GLDN: variants seen among roughly 807,000 people sequenced by gnomAD.
GLDN encodes collomin.
Under a neutral mutation model 56.5 loss-of-function variants are expected in GLDN, and 47 were observed. The observed-to-expected ratio is 0.83, with a 90% CI of 0.66 to 1.06. The LOEUF is 1.06. Ranked by LOEUF, GLDN falls within the 50% of genes least tolerant of loss-of-function variation. GLDN has a pLI of 0.00. For synonymous variants in GLDN, 332 were observed against 278.8 expected, an observed-to-expected ratio of 1.19 and a Z score of -1.90; for missense variants, 782 against 714.3, an observed-to-expected ratio of 1.09 and a Z score of -1.08.
chr15:51,393,191 G>A (rs1052019329), intron 4 of GLDN, among the ~76,000 whole-genome samples: 1 of 152,030 alleles, frequency 6.6e-6, no homozygotes, highest in Non-Finnish European at 1.5e-5. Flanking sequence ...AATTTTTCTT[G>A]GTTAAATTGC....
In GLDN at chr15:51,383,782, C is replaced by T. The variant is rs2141101434; in HGVS notation, c.434-3C>T. Reference sequence around the variant, plus strand: ...ATGTCCCTGTTTCTGTGTTTTGATGCAGGACCTCCGGGAGCCGGCGGGTTG... The same window carrying T: ...ATGTCCCTGTTTCTGTGTTTTGATGTAGGACCTCCGGGAGCCGGCGGGTTG... On this transcript the variant is annotated splice_region_variant and splice_polypyrimidine_tract_variant and intron_variant, in intron 3 of 9. Coordinates refer to ENST00000335449, the MANE Select transcript of GLDN (RefSeq NM_181789.4). 1 of 1,590,936 alleles carries T rather than the reference C, an allele frequency of 6.3e-7. No homozygotes were observed. Among genetic ancestry groups the T allele is most frequent in the South Asian group, 1.1e-5 (1 of 87,396 alleles).
rs116195961 is a variant in GLDN at position 51,343,399 on chromosome 15, C to G, written c.363+1352C>G. Among the ~76,000 whole-genome samples the G allele has an allele frequency of 8.4e-3, 1,279 of 152,272 alleles. 18 individuals carry two copies. The highest frequency in any genetic ancestry group is 0.03 in the African/African-American group (1,233 of 41,544). ...GGAATTCATTCTCGCCCTTTCAGCT[C>G]TCTACCCTACATTTTAAGGCTTTTA... On this transcript the variant is annotated intron_variant, in intron 1 of 9. Transcript: ENST00000335449.
chr15:51,398,836 G>A (rs372313028), intron 6 of GLDN, among the ~76,000 whole-genome samples: 2 of 152,204 alleles, frequency 1.3e-5, no homozygotes, highest in Non-Finnish European at 2.9e-5. Flanking sequence ...AGAGAAGGGG[G>A]CTCTGACCCG....
intron 1 of GLDN, among the ~76,000 whole-genome samples, chr15:51,347,829 C>T (rs143279427): frequency 7.0e-4 from 107 of 152,280 alleles, no homozygotes; most frequent in African/African-American, 2.4e-3. Flanking sequence ...TTAATCTATA[C>T]ACCCACTGGA....
At chr15:51,384,044 C>T (rs77386899) in intron 4 of GLDN, 152 bp downstream of exon 4, 9,768 of 708,188 alleles carry the variant, frequency 0.014, 85 homozygotes, top group Non-Finnish European at 0.02. Flanking sequence ...CATTGCGTTC[C>T]GGGATACCAA....
In GLDN at chr15:51,404,427, C is replaced by G; in HGVS notation, c.1329C>G (p.Asp443Glu). 6.2e-7 allele frequency: 1 copy of G among 1,614,116 alleles called. No individual in the cohort carries two copies. The highest frequency in any genetic ancestry group is 8.5e-7 in the Non-Finnish European group (1 of 1,180,034). ...GLWIIYASSV[D>E]GSSILVAQLD... ...GGATTATCTATGCGTCAAGTGTGGA[C>G]GGCTCGAGCATTCTTGTAGCACAAC... Residue 443 changes from aspartate (D) to glutamate (E), a missense_variant, in exon 10 of 10, where the codon GAC becomes GAG. By Grantham distance (45) the Asp-to-Glu change is conservative. Coordinates refer to ENST00000335449, the MANE Select transcript of GLDN (RefSeq NM_181789.4).
chr15:51,341,792 C>T lies in GLDN; in HGVS notation c.108C>T (p.Phe36=), dbSNP rs2036886638. The change falls in exon 1 of 10, where the codon TTC becomes TTT. Residue 36 remains phenylalanine, a synonymous_variant. Transcript: ENST00000335449. ...CGCTCAACGCTGCGGGCACGGTGTT[C>T]GCGCTGTGCCAGTGGCGCGGGCTGA... ...LSALNAAGTV[F]ALCQWRGLSS... 2 of 1,509,862 alleles carry T rather than the reference C, an allele frequency of 1.3e-6. No homozygotes were observed. The highest frequency in any genetic ancestry group is 1.2e-5 in the South Asian group (1 of 81,374). 93.5% of individuals were successfully genotyped at this position (1,509,862 alleles called of 1,614,324 possible).
intron 1 of GLDN, among the ~76,000 whole-genome samples, chr15:51,351,731 T>C (rs1274135686): frequency 6.6e-6 from 1 of 152,176 alleles, no homozygotes. Flanking sequence ...CATTGTTAAG[T>C]TCCCAGCCCC....
In GLDN at chr15:51,341,782, G is replaced by A. The variant is rs2036886397; in HGVS notation, c.98G>A (p.Gly33Asp). Residue 33 changes from glycine (G) to aspartate (D), a missense_variant, in exon 1 of 10, where the codon GGC (glycine) becomes GAC (aspartate). Gly to Asp is a moderately conservative substitution (Grantham distance 94, BLOSUM62 -1). Transcript: ENST00000335449. ...VALLSALNAAGTVFALCQWRG... is the reference protein window; with the variant it reads ...VALLSALNAADTVFALCQWRG... ...CTGCTCTCGGCGCTCAACGCTGCGG[G>A]CACGGTGTTCGCGCTGTGCCAGTGG... 2 of 1,500,148 alleles carry A rather than the reference G, an allele frequency of 1.3e-6. No homozygotes were observed. Among genetic ancestry groups the A allele is most frequent in the South Asian group, 1.2e-5 (1 of 80,114 alleles). 92.9% of individuals were successfully genotyped at this position (1,500,148 alleles called of 1,614,324 possible).
intron 1 of GLDN, among the ~76,000 whole-genome samples, chr15:51,352,375 T>A (rs1401355082): frequency 1.3e-5 from 2 of 152,190 alleles, no homozygotes; most frequent in Non-Finnish European, 2.9e-5. Context: ...ATCATCACAT[T>A]GATGATTAGG....
intron 2 of GLDN, among the ~76,000 whole-genome samples, chr15:51,382,918 G>A (rs1321018867): frequency 6.6e-6 from 1 of 152,012 alleles, no homozygotes; most frequent in Non-Finnish European, 1.5e-5. Flanking sequence ...TACCTGATCT[G>A]GGCTCTCAAT....
chr15:51,378,836 A>G (rs572312843), intron 2 of GLDN, among the ~76,000 whole-genome samples: 6 of 152,310 alleles, frequency 3.9e-5, no homozygotes, highest in African/African-American at 1.4e-4. Flanking sequence ...GGGGCAGGGT[A>G]GTGGGCAGCA....
chr15:51,361,570 T>C (rs1398645748), intron 1 of GLDN, among the ~76,000 whole-genome samples: 1 of 152,150 alleles, frequency 6.6e-6, no homozygotes, highest in African/African-American at 2.4e-5. Flanking sequence ...GCTCTACCAA[T>C]CAAAGATTCA....
chr15:51,409,827 A>G (rs1344433964), downstream of GLDN, among the ~76,000 whole-genome samples: 1 of 152,198 alleles, frequency 6.6e-6, no homozygotes, highest in East Asian at 1.9e-4. Flanking sequence ...TTTCCACCTC[A>G]TCCCACCGCT....
intron 4 of GLDN, among the ~76,000 whole-genome samples, chr15:51,391,856 G>A (rs971975114): frequency 5.3e-5 from 8 of 152,248 alleles, no homozygotes; most frequent in African/African-American, 1.9e-4. Context: ...CACTGGACGG[G>A]CAGCCGCCAC....
chr15:51,354,921 A>G (rs754586772), intron 1 of GLDN, among the ~76,000 whole-genome samples: 9 of 152,252 alleles, frequency 5.9e-5, no homozygotes, highest in Non-Finnish European at 1.3e-4. Context: ...ACATTAATCC[A>G]GGCAAGAAAC....
chr15:51,383,559 C>T, intron 3 of GLDN, 106 bp downstream of exon 3: 2 of 1,357,040 alleles, frequency 1.5e-6, no homozygotes, highest in Non-Finnish European at 2.1e-6. Flanking sequence ...TGGAGGCAGT[C>T]CTGGCTGTGT....
chr15:51,395,019 T>C (rs1159922428), intron 5 of GLDN, 38 bp downstream of exon 5: 1 of 1,519,216 alleles, frequency 6.6e-7, no homozygotes. Flanking sequence ...TGAGGGCTTG[T>C]GCGCCCAGAG....
intron 1 of GLDN, among the ~76,000 whole-genome samples, chr15:51,353,781 A>G (rs1387547478): frequency 6.8e-6 from 1 of 146,708 alleles, no homozygotes; most frequent in African/African-American, 2.6e-5. Context: ...TATTCCCTCT[A>G]CATTCCTCAA....
Sources: allele counts gnomAD v4.1 joint callset (sites outside exome capture counted in the v4.1 genomes callset), GRCh38; gene constraint gnomAD v4.1.1; transcripts MANE v1.5; gene names NCBI Gene and HGNC (gene_info 2026-07-23, HGNC 2026-07-21).